Variants in HAT1 observed in about 807,000 individuals in gnomAD.
HAT1 encodes the protein histone acetyltransferase type B catalytic subunit.
Under a neutral mutation model 56.6 loss-of-function variants are expected in HAT1, and 20 were observed. The ratio of observed to expected loss-of-function variants is 0.35; its 90% CI spans 0.25 to 0.51. The LOEUF is 0.51. HAT1 is among the 20% of genes least tolerant of loss of function. The pLI is 0.95. For synonymous variants in HAT1, 146 were observed against 165.5 expected, an observed-to-expected ratio of 0.88 and a Z score of 0.91; for missense variants, 408 against 504.3, an observed-to-expected ratio of 0.81 and a Z score of 1.83.
At chr2:171,976,985 CT>C (rs756908174) in intron 9 of HAT1, among the ~76,000 whole-genome samples, 4 of 148,576 alleles carry the variant, frequency 2.7e-5, no homozygotes, top group Non-Finnish European at 4.5e-5. Flanking sequence ...ACCATCCTGG[CT>C]AACATGGTGA....
chr2:171,956,178 T>TAA (rs71013096), intron 4 of HAT1, among the ~76,000 whole-genome samples: 3,630 of 92,696 alleles, frequency 0.039, 106 homozygotes, highest in Admixed American at 0.067. Context: ...ACCCTGTCTT[T>TAA]AAAAAAAAAA....
chr2:171,943,194 G>C (rs1687067287), intron 2 of HAT1, among the ~76,000 whole-genome samples: 1 of 151,354 alleles, frequency 6.6e-6, no homozygotes, highest in African/African-American at 2.4e-5. Context: ...CTGAGGTCAG[G>C]AGTTTGAAAC....
intron 8 of HAT1, among the ~76,000 whole-genome samples, chr2:171,971,822 G>A (rs913788778): frequency 1.3e-5 from 2 of 152,144 alleles, no homozygotes; most frequent in African/African-American, 2.4e-5. Flanking sequence ...TTCTTGAAAT[G>A]CTCGATGGTG....
chr2:171,983,351 A>G lies in HAT1; in HGVS notation c.1259A>G (p.Ter420=), dbSNP rs776325920. The G allele has an allele frequency of 6.3e-6, 10 of 1,593,794 alleles. No homozygotes were observed. In the Admixed American group the frequency reaches 1.0e-4, roughly 16 times the overall value. The change falls in exon 11 of 11, where the codon TAA becomes TGA. Residue 420 remains the stop codon, a stop_retained_variant. Coordinates refer to ENST00000264108, the MANE Select transcript of HAT1 (RefSeq NM_003642.4). ...RRVIERLAQE[*] is the part of the protein sequence containing the mutation. ...GTTATTGAACGACTTGCTCAAGAGT[A>G]AAGATTATACTGCTCTGTACAGGAA...
At chr2:171,973,453 T>A (rs116663276) in intron 8 of HAT1, among the ~76,000 whole-genome samples, 13 of 149,028 alleles carry the variant, frequency 8.7e-5, no homozygotes, top group African/African-American at 3.0e-4. Flanking sequence ...AGGGATTACA[T>A]TGAATCTGTC....
At chr2:171,934,819 G>A (rs1343109162) in intron 2 of HAT1, among the ~76,000 whole-genome samples, 2 of 145,264 alleles carry the variant, frequency 1.4e-5, no homozygotes, top group African/African-American at 5.0e-5. Flanking sequence ...GCAATGGCGC[G>A]ATCTCAGCTC....
intron 4 of HAT1, among the ~76,000 whole-genome samples, chr2:171,953,335 G>C (rs1330949480): frequency 1.3e-5 from 2 of 151,988 alleles, no homozygotes; most frequent in Non-Finnish European, 1.5e-5. Flanking sequence ...GACAGAGCTA[G>C]ACCCTGTCTC....
intron 8 of HAT1, among the ~76,000 whole-genome samples, chr2:171,975,011 T>A (rs2105343970): frequency 6.6e-6 from 1 of 152,250 alleles, no homozygotes; most frequent in South Asian, 2.1e-4. Flanking sequence ...TCATGAGGGA[T>A]ATTGATTTGT....
chr2:171,948,018 G>A (rs1687214807), intron 3 of HAT1, among the ~76,000 whole-genome samples: 1 of 152,128 alleles, frequency 6.6e-6, no homozygotes, highest in Admixed American at 6.5e-5. Context: ...TTTGCAGAAA[G>A]TTGCAAGAAT....
intron 2 of HAT1, among the ~76,000 whole-genome samples, chr2:171,938,130 A>T (rs945310186): frequency 1.3e-5 from 2 of 150,648 alleles, no homozygotes; most frequent in Non-Finnish European, 2.9e-5. Flanking sequence ...GGTGGCTCAC[A>T]CTTATAATCC....
At chr2:171,969,652 G>A (rs1223076406) in intron 8 of HAT1, among the ~76,000 whole-genome samples, 2 of 152,192 alleles carry the variant, frequency 1.3e-5, no homozygotes, top group East Asian at 3.8e-4. Context: ...CTTAAAGATT[G>A]AGTGGTGACT....
intron 4 of HAT1, among the ~76,000 whole-genome samples, chr2:171,959,305 T>G (rs1687520837): frequency 6.6e-6 from 1 of 152,252 alleles, no homozygotes; most frequent in Non-Finnish European, 1.5e-5. Context: ...GGTGATGTTT[T>G]TCCTTGTGTG....
At chr2:171,930,281 C>T (rs991969558) in intron 2 of HAT1, among the ~76,000 whole-genome samples, 12 of 152,282 alleles carry the variant, frequency 7.9e-5, no homozygotes, top group African/African-American at 2.4e-4. Context: ...AAGTGATCCT[C>T]TTACCACAGC....
chr2:171,954,314 G>T (rs1687387271), intron 4 of HAT1, among the ~76,000 whole-genome samples: 1 of 152,248 alleles, frequency 6.6e-6, no homozygotes, highest in African/African-American at 2.4e-5. Context: ...TTCCTTTATG[G>T]ATGGAATACA....
At chr2:171,946,864 A>G (rs568007139) in intron 3 of HAT1, 81 bp downstream of exon 3, 23 of 676,280 alleles carry the variant, frequency 3.4e-5, no homozygotes, top group South Asian at 1.9e-5. Flanking sequence ...TTAGAAATCA[A>G]ATTTTATTTT....
chr2:171,941,644 C>T (rs763768208), intron 2 of HAT1, among the ~76,000 whole-genome samples: 1 of 152,146 alleles, frequency 6.6e-6, no homozygotes, highest in Non-Finnish European at 1.5e-5. Context: ...GTTTTTGCTC[C>T]TATGAGAGTC....
At chr2:171,953,626 T>TAAAAAAAAAAA (rs587686867) in intron 4 of HAT1, among the ~76,000 whole-genome samples, 1,260 of 84,400 alleles carry the variant, frequency 0.015, 52 homozygotes, top group East Asian at 0.04. Flanking sequence ...CCCTGTCTCT[T>TAAAAAAAAAAA]AAAAAAAAAA....
intron 4 of HAT1, among the ~76,000 whole-genome samples, chr2:171,958,659 C>A (rs2105330100): frequency 6.6e-6 from 1 of 152,142 alleles, no homozygotes; most frequent in East Asian, 1.9e-4. Context: ...CTAGCAAACC[C>A]CTTATGGTTA....
chr2:171,979,986 A>C (rs574321268), intron 10 of HAT1: 1 of 151,704 alleles, frequency 6.6e-6, no homozygotes, highest in South Asian at 2.1e-4. Flanking sequence ...GCATGATAAC[A>C]CGTGCCTGTA....
Sources: gnomAD v4.1 joint callset for allele counts (sites outside exome capture counted in the v4.1 genomes callset) on GRCh38, gnomAD v4.1.1 for gene constraint, MANE v1.5 for transcripts, NCBI Gene and HGNC (gene_info 2026-07-23, HGNC 2026-07-21) for gene names.